DDX60L: variants seen among roughly 807,000 people sequenced by gnomAD.
DDX60L encodes probable ATP-dependent RNA helicase DDX60-like.
DDX60L carries 191 observed loss-of-function variants against 211.6 expected under a neutral mutation model. The observed-to-expected ratio is 0.90, with a 90% CI of 0.80 to 1.02. The LOEUF (loss-of-function observed/expected upper bound fraction) is 1.02, where lower values mean the gene tolerates loss of function less well. Ranked by LOEUF, DDX60L falls within the 50% of genes least tolerant of loss-of-function variation. The pLI, the probability that DDX60L is intolerant of heterozygous loss-of-function variation, is 0.00. For missense variants in DDX60L, 2,007 were observed against 1,984.1 expected (o/e 1.01, Z -0.22); for synonymous variants, 706 against 694.1 (o/e 1.02, Z -0.27).
chr4:168,400,781 T>C (rs1451657190), intron 26 of DDX60L, 45 bp downstream of exon 26: 1 of 1,510,328 alleles, frequency 6.6e-7, no homozygotes, highest in Non-Finnish European at 9.0e-7. Context: ...TGTAAATATT[T>C]TAGTCTTCAG....
intron 26 of DDX60L, among the ~76,000 whole-genome samples, chr4:168,398,329 G>C (rs928539344): frequency 1.3e-5 from 2 of 152,210 alleles, no homozygotes; most frequent in African/African-American, 4.8e-5. Flanking sequence ...GTGTGTGCAC[G>C]CTCAGGACAG....
At position 168,373,784 on chromosome 4, in the gene DDX60L, T is replaced by C; in HGVS notation, c.4658A>G (p.Asp1553Gly). 1 of 1,613,670 alleles carries C rather than the reference T, an allele frequency of 6.2e-7. No homozygotes were observed. Among genetic ancestry groups the C allele is most frequent in the African/African-American group, 1.3e-5 (1 of 74,948 alleles). ...RIKFTGKECE[D>G]SQLVSHLMSC... Reference sequence around the variant, plus strand: ...CATCAAGTGAGACACGAGTTGGGAGTCTTCACATTCTTTACCTGTGAATTC... The same window carrying C: ...CATCAAGTGAGACACGAGTTGGGAGCCTTCACATTCTTTACCTGTGAATTC... The change falls in exon 35 of 38, where the codon GAC (aspartate) becomes GGC (glycine). Residue 1553 changes from aspartate to glycine, a missense_variant. Asp to Gly is a moderately conservative substitution (Grantham distance 94, BLOSUM62 -1). Transcript: ENST00000682922.
intron 25 of DDX60L, among the ~76,000 whole-genome samples, chr4:168,402,124 CTTTTTT>C (rs60345965): frequency 5.5e-5 from 6 of 108,486 alleles, no homozygotes; most frequent in African/African-American, 2.2e-4. Flanking sequence ...ACTTCAGAGG[CTTTTTT>C]TTTTTTTTTT....
intron 36 of DDX60L, among the ~76,000 whole-genome samples, chr4:168,362,118 C>A (rs1739218552): frequency 6.6e-6 from 1 of 152,356 alleles, no homozygotes; most frequent in South Asian, 2.1e-4. Flanking sequence ...ACCATGCCTG[C>A]ACCAACCCAT....
intron 9 of DDX60L, among the ~76,000 whole-genome samples, chr4:168,446,762 G>C (rs1171636270): frequency 1.4e-5 from 2 of 139,098 alleles, no homozygotes; most frequent in Non-Finnish European, 3.1e-5. Context: ...ACAAACCTGA[G>C]AAAAACAAGC....
At chr4:168,358,363 C>G in intron 37 of DDX60L, 87 bp from the exon 38 acceptor site, 1 of 989,348 alleles carries the variant, frequency 1.0e-6, no homozygotes, top group Non-Finnish European at 1.4e-6. Context: ...AGAAGTAATT[C>G]CCCCCAAAAT....
chr4:168,470,142 C>T (rs1758554562), intron 4 of DDX60L: 1 of 152,218 alleles, frequency 6.6e-6, no homozygotes, highest in African/African-American at 2.4e-5. Flanking sequence ...TACACATCCA[C>T]CAGAATGGCT....
At chr4:168,382,120 G>T (rs548444233) in intron 30 of DDX60L, among the ~76,000 whole-genome samples, 1 of 152,042 alleles carries the variant, frequency 6.6e-6, no homozygotes, top group African/African-American at 2.4e-5. Context: ...TGGAAAACTT[G>T]GTAACCTTAC....
chr4:168,467,764 T>C (rs1190038523), intron 4 of DDX60L, among the ~76,000 whole-genome samples: 2 of 152,210 alleles, frequency 1.3e-5, no homozygotes, highest in Non-Finnish European at 2.9e-5. Flanking sequence ...GAGGAAATAA[T>C]ACCAATCTCA....
intron 22 of DDX60L, among the ~76,000 whole-genome samples, chr4:168,413,988 G>A (rs1749106755): frequency 6.6e-6 from 1 of 152,138 alleles, no homozygotes; most frequent in African/African-American, 2.4e-5. Context: ...AAAGCAGCAA[G>A]AGAAAAGAAA....
chr4:168,383,571 T>C (rs956301646), intron 30 of DDX60L, among the ~76,000 whole-genome samples: 1 of 152,220 alleles, frequency 6.6e-6, no homozygotes, highest in African/African-American at 2.4e-5. Flanking sequence ...GTGTCCAATG[T>C]ATGGTGTTTT....
In DDX60L at chr4:168,358,075, G is replaced by A. The variant is rs149665743; in HGVS notation, c.*72C>T. On this transcript the variant is annotated 3_prime_UTR_variant, in exon 38 of 38. Transcript: ENST00000682922. ...ACAAACATTTTTTCCATTTCATTGT[G>A]TAAGCTTAATTATATCTCTCCTTGC... The A allele has an allele frequency of 9.3e-5, 128 of 1,372,598 alleles. No homozygotes were observed. The African/African-American group carries it at 1.6e-3, about 17-fold the overall frequency. 85.0% of individuals were successfully genotyped at this position (1,372,598 alleles called of 1,614,324 possible).
chr4:168,427,950 T>C (rs1197552318), intron 13 of DDX60L, among the ~76,000 whole-genome samples: 2 of 152,176 alleles, frequency 1.3e-5, no homozygotes, highest in Non-Finnish European at 2.9e-5. Flanking sequence ...ATAACAGAAC[T>C]GAGTGAGCTC....
chr4:168,359,405 T>G (rs972051839), intron 37 of DDX60L, among the ~76,000 whole-genome samples: 2 of 152,228 alleles, frequency 1.3e-5, no homozygotes, highest in Non-Finnish European at 1.5e-5. Context: ...CCTACTTTCA[T>G]TAACACTATC....
chr4:168,393,234 G>A (rs571342779), intron 28 of DDX60L, among the ~76,000 whole-genome samples: 28 of 152,238 alleles, frequency 1.8e-4, no homozygotes, highest in East Asian at 9.7e-4. Context: ...GGTGGCTCAC[G>A]CCTGTAATAC....
chr4:168,429,880 C>T (rs1467485562), intron 13 of DDX60L, among the ~76,000 whole-genome samples: 1 of 152,146 alleles, frequency 6.6e-6, no homozygotes, highest in Non-Finnish European at 1.5e-5. Context: ...TGCCATCTCC[C>T]CCTTTGTCTT....
intron 37 of DDX60L, among the ~76,000 whole-genome samples, chr4:168,360,763 T>C (rs777783060): frequency 2.6e-5 from 4 of 152,202 alleles, no homozygotes; most frequent in Non-Finnish European, 5.9e-5. Flanking sequence ...TGCTTTGAAG[T>C]GGATATAAAC....
chr4:168,461,954 A>C lies in DDX60L; in HGVS notation c.351T>G (p.Ile117Met), dbSNP rs1757374705. ...ATCCAGAAAACTCCGTTTGCACATC[A>C]ATGTTAGTATTGTGTTGAAGGTGGA... ...LILHLQHNTN[I>M]DVQTEFSGCL... Residue 117 changes from isoleucine to methionine, a missense_variant, in exon 5 of 38, where the codon ATT becomes ATG. Ile to Met is a conservative substitution (Grantham distance 10). Coordinates refer to ENST00000682922, the MANE Select transcript of DDX60L (RefSeq NM_001012967.3). The C allele has an allele frequency of 6.2e-7, 1 of 1,613,428 alleles. No individual in the cohort carries two copies.
At chr4:168,386,024 G>T (rs1477931209) in intron 29 of DDX60L, among the ~76,000 whole-genome samples, 3 of 152,034 alleles carry the variant, frequency 2.0e-5, no homozygotes, top group Non-Finnish European at 4.4e-5. Flanking sequence ...GAGAGAGAGA[G>T]GGAGGAATAG....
Sources: allele counts gnomAD v4.1 joint callset (sites outside exome capture counted in the v4.1 genomes callset), GRCh38; gene constraint gnomAD v4.1.1; transcripts MANE v1.5; gene names NCBI Gene and HGNC (gene_info 2026-07-23, HGNC 2026-07-21).